The following CHLSN variants were observed in gnomAD, a reference collection of about 807,000 sequenced individuals.
CHLSN encodes protein cholesin.
chr7:984,897 G>T, the CHLSN span: 1 of 1,529,884 alleles, frequency 6.5e-7, no homozygotes. Flanking sequence ...CTTGCCTGGC[G>T]GGGCTGGCTG....
the CHLSN span, among the ~76,000 whole-genome samples, chr7:1,041,826 G>C: frequency 6.6e-6 from 1 of 151,726 alleles, no homozygotes; most frequent in Non-Finnish European, 1.5e-5. Flanking sequence ...CCCACGTGCA[G>C]ACAGACCCAG....
At chr7:1,016,953 C>CA in the CHLSN span, among the ~76,000 whole-genome samples, 2 of 142,212 alleles carry the variant, frequency 1.4e-5, no homozygotes, top group African/African-American at 2.7e-5. Flanking sequence ...CACACGCCAG[C>CA]GCACAGCAGC....
chr7:1,027,134 C>A, the CHLSN span: 1 of 152,186 alleles, frequency 6.6e-6, no homozygotes, highest in Non-Finnish European at 1.5e-5. Context: ...ATCATCATGT[C>A]AATTTTGTTA....
At chr7:1,018,176 C>G in the CHLSN span, among the ~76,000 whole-genome samples, 14 of 152,322 alleles carry the variant, frequency 9.2e-5, no homozygotes, top group African/African-American at 2.9e-4. Context: ...AGGCAGGAAG[C>G]ACAGGCCCAG....
the CHLSN span, among the ~76,000 whole-genome samples, chr7:1,059,679 G>T: frequency 7.2e-6 from 1 of 138,924 alleles, no homozygotes; most frequent in Non-Finnish European, 1.6e-5. Flanking sequence ...AGTGAGGCGG[G>T]TCCGTAGTGG....
At chr7:1,076,690 TC>T in the CHLSN span, among the ~76,000 whole-genome samples, 69 of 152,272 alleles carry the variant, frequency 4.5e-4, no homozygotes, top group African/African-American at 1.5e-3. Flanking sequence ...CAAGATCTTT[TC>T]CTCCACTTGG....
chr7:1,042,162 A>G, the CHLSN span, among the ~76,000 whole-genome samples: 1 of 151,860 alleles, frequency 6.6e-6, no homozygotes, highest in Non-Finnish European at 1.5e-5. Flanking sequence ...CGCAACACAC[A>G]CGGCACACAA....
the CHLSN span, among the ~76,000 whole-genome samples, chr7:1,115,490 C>G: frequency 1.4e-5 from 2 of 140,556 alleles, no homozygotes; most frequent in South Asian, 4.5e-4. Context: ...AGGATGACTT[C>G]ACTACAGCTC....
At chr7:986,669 C>T in the CHLSN span, 33 of 1,612,592 alleles carry the variant, frequency 2.0e-5, no homozygotes, top group East Asian at 1.3e-4. Context: ...CCAGCTGCAC[C>T]GGCCCGTCCT....
At chr7:1,109,352 C>T in the CHLSN span, 1 of 152,204 alleles carries the variant, frequency 6.6e-6, no homozygotes, top group African/African-American at 2.4e-5. Context: ...AGAATTAAGA[C>T]CCTTCAAGTG....
At chr7:1,069,060 C>A in the CHLSN span, among the ~76,000 whole-genome samples, 11,076 of 152,230 alleles carry the variant, frequency 0.073, 457 homozygotes, top group Admixed American at 0.11. Context: ...AGGCCGGGCG[C>A]GGTGGCTCAT....
At chr7:1,020,086 C>G in the CHLSN span, among the ~76,000 whole-genome samples, 1 of 152,214 alleles carries the variant, frequency 6.6e-6, no homozygotes, top group Non-Finnish European at 1.5e-5. Flanking sequence ...CAAGGGCCGG[C>G]GGAGTGGTGG....
At chr7:1,087,909 G>A in the CHLSN span, among the ~76,000 whole-genome samples, 1 of 152,234 alleles carries the variant, frequency 6.6e-6, no homozygotes, top group African/African-American at 2.4e-5. Context: ...ATCTGTGGGT[G>A]AAGAAAAGCA....
At chr7:1,127,166 A>G in the CHLSN span, 1 of 1,448,088 alleles carries the variant, frequency 6.9e-7, no homozygotes, top group Non-Finnish European at 9.1e-7. Context: ...TGCTCCACAG[A>G]GACCAGCAGG....
the CHLSN span, chr7:983,511 G>T: frequency 1.0e-6 from 1 of 984,366 alleles, no homozygotes; most frequent in African/African-American, 1.7e-5. Context: ...AGCGGGGCAC[G>T]CAGGAGGCCG....
chr7:1,112,705 TAAAAAAAAAA>T, the CHLSN span, among the ~76,000 whole-genome samples: 1 of 99,130 alleles, frequency 1.0e-5, no homozygotes, highest in Non-Finnish European at 2.3e-5. Context: ...TCCAAATGGC[TAAAAAAAAAA>T]AAAAAAAAGA....
At chr7:1,102,287 A>C in the CHLSN span, among the ~76,000 whole-genome samples, 1 of 152,258 alleles carries the variant, frequency 6.6e-6, no homozygotes, top group Non-Finnish European at 1.5e-5. Context: ...AGCTGGGCCC[A>C]GCGGCAGTGG....
the CHLSN span, among the ~76,000 whole-genome samples, chr7:1,007,081 G>C: frequency 1.3e-5 from 2 of 152,314 alleles, no homozygotes; most frequent in African/African-American, 4.8e-5. Context: ...AGAGCCTTCG[G>C]GGGATCTGGA....
the CHLSN span, among the ~76,000 whole-genome samples, chr7:1,011,609 C>G: frequency 6.6e-6 from 1 of 151,024 alleles, no homozygotes; most frequent in Non-Finnish European, 1.5e-5. Flanking sequence ...CACAGCCACA[C>G]ACGCCCACAC....
Sources: gnomAD v4.1 joint callset for allele counts (sites outside exome capture counted in the v4.1 genomes callset) on GRCh38, gnomAD v4.1.1 for gene constraint, MANE v1.5 for transcripts, NCBI Gene and HGNC (gene_info 2026-07-23, HGNC 2026-07-21) for gene names.